PLCH2: variants seen among roughly 807,000 people sequenced by gnomAD.
PLCH2 encodes phospholipase C eta 2, also known as 1-phosphatidylinositol 4,5-bisphosphate phosphodiesterase eta-2.
In PLCH2, 98 loss-of-function variants were observed where a neutral mutation model predicts 134.7. That is an observed-to-expected ratio of 0.73 (90% CI 0.62 to 0.86). The LOEUF (loss-of-function observed/expected upper bound fraction) is 0.86. Ranked by LOEUF, PLCH2 falls within the 40% of genes least tolerant of loss-of-function variation. The probability of loss-of-function intolerance (pLI) is 0.00; values close to 1 mark genes in which losing one functional copy is unlikely to be tolerated. For missense variants in PLCH2, 1,994 were observed against 1,986.6 expected, an observed-to-expected ratio of 1.00 and a Z score of -0.07; for synonymous variants, 974 against 827.5, an observed-to-expected ratio of 1.18 and a Z score of -3.04.
Position 2,504,155 on chromosome 1 carries a change from G to C in PLCH2, c.3193G>C (p.Gly1065Arg), listed in dbSNP as rs566502233. The change falls in exon 22 of 22, where the codon GGC (glycine) becomes CGC (arginine). Residue 1065 changes from glycine (G) to arginine (R), a missense_variant. Coordinates refer to ENST00000378486, the MANE Select transcript of PLCH2 (RefSeq NM_014638.4). ...RPRPCNGEGA[G>R]GAYERAPGSQ... ...TCGGCCGTGCAACGGCGAGGGCGCC[G>C]GCGGGGCATACGAGAGGGCCCCCGG... The C allele has an allele frequency of 7.2e-6, 11 of 1,524,660 alleles. No homozygotes were observed. Among genetic ancestry groups the C allele is most frequent in the Non-Finnish European group, 7.9e-6 (9 of 1,137,826 alleles). 94.4% of individuals were successfully genotyped at this position (1,524,660 alleles called of 1,614,324 possible). A position where few individuals can be genotyped will look rare whatever the true frequency, so the allele number is the denominator to read the frequency against.
chr1:2,464,076 A>G (rs558460594), upstream of PLCH2, among the ~76,000 whole-genome samples: 252 of 152,344 alleles, frequency 1.7e-3, no homozygotes, highest in Non-Finnish European at 2.7e-3. Flanking sequence ...ATCGCTCGGC[A>G]GCTGGTTGCG....
chr1:2,496,757 C>A (rs1047084905), intron 14 of PLCH2, 53 bp downstream of exon 14: 4 of 1,610,316 alleles, frequency 2.5e-6, no homozygotes, highest in Non-Finnish European at 2.5e-6. Context: ...TGTCCCCCAT[C>A]CCTGCTATGC....
rs1229626911 is a variant in PLCH2, at chr1:2,476,691, G to C, written c.103G>C (p.Glu35Gln). ...TGGAGGGAGTGTGGTGCTGTCTTCA[G>C]AGTGGCAGCTCGGCCCCCTGGGTAA... is the stretch of plus-strand genomic sequence containing the variant. ...WVGGSVVLSS[E>Q]WQLGPLVERC... Residue 35 changes from glutamate to glutamine, a missense_variant, in exon 1 of 22, where the codon GAG becomes CAG. Coordinates refer to ENST00000378486, the MANE Select transcript of PLCH2 (RefSeq NM_014638.4). 2 of 1,609,768 alleles carry C rather than the reference G, an allele frequency of 1.2e-6. No individual in the cohort carries two copies. The highest frequency in any genetic ancestry group is 2.7e-5 in the African/African-American group (2 of 74,822).
rs774364989 is a variant in PLCH2 at position 2,478,483 on chromosome 1, G to C, written c.132G>C (p.Arg44=). The change falls in exon 2 of 22, where the codon CGG becomes CGC. Residue 44 remains arginine, a synonymous_variant. Transcript: ENST00000378486. The part of the protein sequence containing the change: ...SEWQLGPLVE[R]CMGAMQEGMQ... ...TGTCTCTCCCGTGTCCAGTGGAGCGGTGCATGGGTGCCATGCAAGAGGGGA... is the reference window on the plus strand; with the variant it reads ...TGTCTCTCCCGTGTCCAGTGGAGCGCTGCATGGGTGCCATGCAAGAGGGGA... 16 of 1,612,564 alleles carry C rather than the reference G, an allele frequency of 9.9e-6. No homozygotes were observed. The East Asian group carries it at 3.3e-4, about 34-fold the overall frequency.
intron 2 of PLCH2, among the ~76,000 whole-genome samples, chr1:2,451,998 C>T (rs2100559106): frequency 6.6e-6 from 1 of 152,342 alleles, no homozygotes; most frequent in South Asian, 2.1e-4. Context: ...GTCTGCTCTG[C>T]CGTGGGCCTG....
exon 2 of PLCH2, chr1:2,430,475 C>T (rs1326021661): frequency 6.6e-6 from 1 of 152,356 alleles, no homozygotes; most frequent in Non-Finnish European, 1.5e-5. Flanking sequence ...CCAGTCCCAG[C>T]TTTCAGTTGC....
At position 2,489,288 on chromosome 1, in the gene PLCH2, T is replaced by C. The variant is rs1220123141; in HGVS notation, c.1317T>C (p.Leu439=). Residue 439 remains leucine, a synonymous_variant, in exon 9 of 22, where the codon CTT becomes CTC. Transcript: ENST00000378486. ...TGGCCCAGTATCTGACTGACATCCT[T>C]GGGGACAAGCTGGACCTGTCATCAG... The part of the protein sequence containing the change: ...KKMAQYLTDI[L]GDKLDLSSVS... 1 of 1,613,842 alleles carries C rather than the reference T, an allele frequency of 6.2e-7. No homozygotes were observed. Among genetic ancestry groups the C allele is most frequent in the African/African-American group, 1.3e-5 (1 of 75,034 alleles).
intron 11 of PLCH2, among the ~76,000 whole-genome samples, chr1:2,491,594 GC>G (rs895327397): frequency 3.3e-5 from 5 of 152,232 alleles, no homozygotes; most frequent in Non-Finnish European, 4.4e-5. Flanking sequence ...CCTGCCCAGC[GC>G]CCCTGCCTAG....
intron 10 of PLCH2, 94 bp from the exon 11 acceptor site, chr1:2,491,098 G>A: frequency 8.0e-7 from 1 of 1,249,308 alleles, no homozygotes; most frequent in Non-Finnish European, 1.1e-6. Context: ...CCTGAGCCTG[G>A]GGTGGGCAGA....
intron 15 of PLCH2, 21 bp downstream of exon 15, chr1:2,497,031 C>CACGGCTGCCAAA (rs764532244): frequency 1.9e-6 from 3 of 1,606,906 alleles, no homozygotes; most frequent in Middle Eastern, 1.7e-4. Flanking sequence ...GCATGGTGCG[C>CACGGCTGCCAAA]TGGGTGTGGT....
chr1:2,421,459 A>G (rs940161562), upstream of PLCH2, among the ~76,000 whole-genome samples: 3 of 152,236 alleles, frequency 2.0e-5, no homozygotes, highest in Non-Finnish European at 2.9e-5. Context: ...AAGCAAAGGA[A>G]ATAAATACTC....
intron 11 of PLCH2, 43 bp downstream of exon 11, chr1:2,491,378 C>A: frequency 1.3e-6 from 2 of 1,592,286 alleles, no homozygotes; most frequent in South Asian, 1.1e-5. Flanking sequence ...GACAGGCCCC[C>A]CCGACAGCCA....
rs116547422 is a variant in PLCH2 at position 2,484,444 on chromosome 1, G to C, written c.646-4G>C. On this transcript the variant is annotated splice_region_variant and splice_polypyrimidine_tract_variant and intron_variant, in intron 4 of 21. Coordinates refer to ENST00000378486, the MANE Select transcript of PLCH2 (RefSeq NM_014638.4). ...CAATGGGGACCCAAGGCCTTGCATT[G>C]CAGGAAGCGGACACGGATGACCACC... 2.8e-3 allele frequency: 4,592 copies of C among 1,613,006 alleles called. 104 individuals carry two copies. The African/African-American group carries it at 0.053, about 19-fold the overall frequency.
chr1:2,498,193 G>A lies in PLCH2; in HGVS notation c.2225-330G>A. On this transcript the variant is annotated intron_variant, in intron 16 of 21. Transcript: ENST00000378486. This position sits in a 1 kb window ranked among gnomAD's most constrained non-coding sequence, Gnocchi z 5.4. ...TTGCCCTCCTCAGAGTTCTCAGCCT[G>A]AGTGGGCCCTGGGGACACTGTCACC... is the stretch of plus-strand genomic sequence containing the variant. The A allele has an allele frequency of 2.9e-6, 1 of 348,334 alleles. No homozygotes were observed. Among genetic ancestry groups the A allele is most frequent in the Non-Finnish European group, 5.3e-6 (1 of 188,834 alleles). The allele number at this position is 348,334 out of a possible 1,614,324, so 21.6% of individuals were successfully genotyped here.
At chr1:2,420,074 A>C in the PLCH2 span, among the ~76,000 whole-genome samples, 1 of 149,712 alleles carries the variant, frequency 6.7e-6, no homozygotes, top group African/African-American at 2.5e-5. Flanking sequence ...GCACAGCAAC[A>C]GTAACCTGCC....
At chr1:2,497,373 G>C (rs1220995178) in intron 15 of PLCH2, 129 bp from the exon 16 acceptor site, 1 of 681,324 alleles carries the variant, frequency 1.5e-6, no homozygotes, top group Non-Finnish European at 2.6e-6. Context: ...ATTCACATTG[G>C]GTGAACGAGG....
intron 14 of PLCH2, 31 bp from the exon 15 acceptor site, chr1:2,496,797 G>A: frequency 6.2e-7 from 1 of 1,610,338 alleles, no homozygotes; most frequent in Non-Finnish European, 8.5e-7. Context: ...TCGAGGACTG[G>A]CAGTCTGATG....
At chr1:2,499,572 G>A (rs1013177297) in intron 19 of PLCH2, 69 bp from the exon 20 acceptor site, 21 of 1,176,996 alleles carry the variant, frequency 1.8e-5, no homozygotes, top group Non-Finnish European at 2.5e-5. Flanking sequence ...TAAGTAGAAT[G>A]GGGGGCAGAG....
intron 1 of PLCH2, among the ~76,000 whole-genome samples, chr1:2,477,752 C>T (rs919358566): frequency 1.4e-4 from 21 of 152,162 alleles, no homozygotes; most frequent in Admixed American, 1.0e-3. Flanking sequence ...AGCTCGGATC[C>T]GGCACCACAG....
Sources: allele counts gnomAD v4.1 joint callset (sites outside exome capture counted in the v4.1 genomes callset), GRCh38; gene constraint gnomAD v4.1.1; non-coding constraint Gnocchi (gnomAD v3.1); transcripts MANE v1.5; gene names NCBI Gene and HGNC (gene_info 2026-07-23, HGNC 2026-07-21).